Variants in CHD7 observed in about 807,000 individuals in gnomAD.
CHD7 encodes the protein ATP-dependent chromatin remodeler CHD7.
A neutral mutation model predicts 307.3 loss-of-function variants in CHD7; 24 were observed. That is an observed-to-expected ratio of 0.08 (90% CI 0.06 to 0.11). CHD7 has a LOEUF of 0.11. Ranked by LOEUF, CHD7 falls within the 10% of genes least tolerant of loss-of-function variation. CHD7 has a pLI of 1.00. For synonymous variants in CHD7, 1,363 were observed against 1,349.9 expected (o/e 1.01, Z -0.21); for missense variants, 3,106 against 3,727.1 (o/e 0.83, Z 4.34).
At chr8:60,779,721 G>T (rs1015656727) in intron 2 of CHD7, among the ~76,000 whole-genome samples, 1 of 152,174 alleles carries the variant, frequency 6.6e-6, no homozygotes. Flanking sequence ...GGAGATGTGG[G>T]CCTGGGCTCG....
chr8:60,837,887 TTAAC>T, intron 18 of CHD7, 52 bp downstream of exon 18: 3 of 1,516,470 alleles, frequency 2.0e-6, no homozygotes, highest in Non-Finnish European at 2.7e-6. Flanking sequence ...TTTCCTTTAT[TTAAC>T]TAATAGTAAG....
At chr8:60,855,618 T>C (rs921434092) in intron 32 of CHD7, among the ~76,000 whole-genome samples, 1 of 152,246 alleles carries the variant, frequency 6.6e-6, no homozygotes, top group Non-Finnish European at 1.5e-5. Flanking sequence ...TCTACTGACA[T>C]CCACCAGCAG....
chr8:60,819,094 C>T (rs1366790625), intron 8 of CHD7, among the ~76,000 whole-genome samples: 7 of 152,162 alleles, frequency 4.6e-5, no homozygotes, highest in Admixed American at 2.6e-4. Context: ...GCTGAGATTA[C>T]AGGCACCTGC....
chr8:60,768,303 A>G (rs973956298), intron 2 of CHD7, among the ~76,000 whole-genome samples: 2 of 152,230 alleles, frequency 1.3e-5, no homozygotes, highest in East Asian at 1.9e-4. Flanking sequence ...AGTTCATCCA[A>G]TTCCATTCTA....
chr8:60,707,930 T>C (rs1041032482), intron 1 of CHD7, among the ~76,000 whole-genome samples: 12 of 152,206 alleles, frequency 7.9e-5, no homozygotes, highest in African/African-American at 2.9e-4. Context: ...ATGCCGTGTA[T>C]GTCTGTCAAA....
At chr8:60,863,278 C>T (rs928255253) in intron 37 of CHD7, 7 of 151,928 alleles carry the variant, frequency 4.6e-5, no homozygotes, top group African/African-American at 1.7e-4. Context: ...CTGCCGCTGA[C>T]CTGTTGTCCA....
At position 60,800,349 on chromosome 8, in the gene CHD7, C is replaced by T. The variant is rs776462138; in HGVS notation, c.2239-39C>T. ...GCTCGGCCACATTTTTCTTTTTAAT[C>T]ATTAATTTCAAGGCCACTGTCTTGG... On this transcript the variant is annotated intron_variant, in intron 4 of 37. Transcript: ENST00000423902. 1.2e-5 allele frequency: 19 copies of T among 1,599,164 alleles called. No homozygotes were observed. The Admixed American group carries it at 2.4e-4, about 20-fold the overall frequency.
At chr8:60,780,944 T>C in intron 2 of CHD7, 56 bp from the exon 3 acceptor site, 1 of 1,434,528 alleles carries the variant, frequency 7.0e-7, no homozygotes, top group East Asian at 2.5e-5. Context: ...CTTTCAGTTC[T>C]TTTCTTTACT....
chr8:60,795,680 G>A (rs1031811764), intron 4 of CHD7, among the ~76,000 whole-genome samples: 5 of 152,192 alleles, frequency 3.3e-5, no homozygotes, highest in African/African-American at 9.7e-5. Flanking sequence ...CCGACTTTAG[G>A]AGAGTTTTAT....
At chr8:60,746,515 T>C (rs1809338233) in intron 2 of CHD7, among the ~76,000 whole-genome samples, 1 of 152,250 alleles carries the variant, frequency 6.6e-6, no homozygotes, top group Non-Finnish European at 1.5e-5. Context: ...GAGTAGTGGC[T>C]CAATACTATA....
chr8:60,746,453 A>G (rs1809333561), intron 2 of CHD7, among the ~76,000 whole-genome samples: 1 of 152,178 alleles, frequency 6.6e-6, no homozygotes, highest in African/African-American at 2.4e-5. Flanking sequence ...TTTTTATTTA[A>G]TTATGTTTTG....
chr8:60,831,394 A>G (rs573828242), intron 15 of CHD7, among the ~76,000 whole-genome samples: 22 of 152,150 alleles, frequency 1.4e-4, no homozygotes, highest in Admixed American at 1.3e-3. Flanking sequence ...TAACGATACA[A>G]GCAAAGAGAG....
Position 60,741,229 on chromosome 8 carries a change from T to C in CHD7, c.-174-30T>C, listed in dbSNP as rs1808983123. On this transcript the variant is annotated intron_variant, in intron 1 of 37. Coordinates refer to ENST00000423902, the MANE Select transcript of CHD7 (RefSeq NM_017780.4). ...GATCCTAATTCTTTGTTTTCTTCCT[T>C]CTTCTCCCCCACCCCAAACTCCCTT... is the stretch of plus-strand genomic sequence containing the variant. 1.8e-5 allele frequency: 10 copies of C among 567,950 alleles called. No homozygotes were observed. The South Asian group carries it at 2.0e-4, about 12-fold the overall frequency. The allele number at this position is 567,950 out of a possible 1,614,324, so 35.2% of individuals were successfully genotyped here.
intron 4 of CHD7, among the ~76,000 whole-genome samples, chr8:60,800,149 G>C (rs1812227827): frequency 6.6e-6 from 1 of 151,782 alleles, no homozygotes; most frequent in African/African-American, 2.4e-5. Flanking sequence ...TCCTGCCTCA[G>C]CCTCCCAAGT....
chr8:60,843,212 G>A (rs1586428762), intron 21 of CHD7, among the ~76,000 whole-genome samples: 1 of 152,186 alleles, frequency 6.6e-6, no homozygotes, highest in Non-Finnish European at 1.5e-5. Flanking sequence ...ATAAATGCTT[G>A]TTCAACAGAA....
intron 1 of CHD7, among the ~76,000 whole-genome samples, chr8:60,717,351 C>A (rs955888654): frequency 6.6e-6 from 1 of 152,138 alleles, no homozygotes; most frequent in Non-Finnish European, 1.5e-5. Context: ...TTGTGTAGAA[C>A]TTTTCTGAGG....
chr8:60,830,245 C>A, intron 14 of CHD7, 77 bp from the exon 15 acceptor site: 1 of 1,407,634 alleles, frequency 7.1e-7, no homozygotes, highest in South Asian at 1.4e-5. Flanking sequence ...TGAGATAATC[C>A]TGATGTTTCA....
chr8:60,852,662 C>T lies in CHD7; in HGVS notation c.6059C>T (p.Ala2020Val), dbSNP rs756335050. 2.5e-6 allele frequency: 4 copies of T among 1,613,868 alleles called. No individual in the cohort carries two copies. The South Asian group carries it at 4.4e-5, about 18-fold the overall frequency. Residue 2020 changes from alanine to valine, a missense_variant, in exon 30 of 38, where the codon GCC (alanine) becomes GTC (valine). This residue lies in a region of CHD7 where 1,030 missense variants were observed against 1,165.4 expected (regional missense o/e 0.88). Transcript: ENST00000423902. ...GAGAAATACTTCAGTTGTTTTGTGGCCATGTGTAGGCGAGTATGTCGAATG... is the reference window on the plus strand; with the variant it reads ...GAGAAATACTTCAGTTGTTTTGTGGTCATGTGTAGGCGAGTATGTCGAATG... ...SLEKYFSCFVAMCRRVCRMPV... is the reference protein window; with the variant it reads ...SLEKYFSCFVVMCRRVCRMPV...
intron 16 of CHD7, 67 bp from the exon 17 acceptor site, chr8:60,836,750 T>A (rs1005037623): frequency 8.6e-7 from 1 of 1,168,222 alleles, no homozygotes; most frequent in Admixed American, 2.2e-5. Flanking sequence ...TAATTAAAAA[T>A]TAAAAAAAGG....
Sources: gnomAD v4.1 joint callset for allele counts (sites outside exome capture counted in the v4.1 genomes callset) on GRCh38, gnomAD v4.1.1 for gene constraint, gnomAD v4.1.1 regional missense constraint, MANE v1.5 for transcripts, NCBI Gene and HGNC (gene_info 2026-07-23, HGNC 2026-07-21) for gene names.